Variants in PARD3B observed in about 807,000 individuals in gnomAD.
PARD3B encodes partitioning defective 3 homolog B.
PARD3B carries 103 observed loss-of-function variants against 130.2 expected under a neutral mutation model. The observed-to-expected ratio is 0.79, with a 90% CI of 0.67 to 0.93. The LOEUF (loss-of-function observed/expected upper bound fraction) is 0.93, where lower values mean the gene tolerates loss of function less well. PARD3B is among the 40% of genes least tolerant of loss of function. PARD3B has a pLI of 0.00. For synonymous variants in PARD3B, 583 were observed against 553.2 expected, an observed-to-expected ratio of 1.05 and a Z score of -0.76; for missense variants, 1,609 against 1,499.2, an observed-to-expected ratio of 1.07 and a Z score of -1.21.
chr2:205,104,443 G>T lies in PARD3B; in HGVS notation c.522G>T (p.Leu174Phe), dbSNP rs1703051932. Reference protein sequence around the residue: ...KLVVPDSTQNLEDREVLNGVQ... With the variant: ...KLVVPDSTQNFEDREVLNGVQ... The stretch of plus-strand genomic sequence containing the variant: ...CACTATAGGATTCCACGCAGAACTT[G>T]GAAGACAGAGAAGTTTTGAATGGTG... Residue 174 changes from leucine (L) to phenylalanine (F), a missense_variant, in exon 5 of 23, where the codon TTG becomes TTT. Transcript: ENST00000406610. The T allele has an allele frequency of 6.2e-7, 1 of 1,600,568 alleles. No individual in the cohort carries two copies.
intron 1 of PARD3B, among the ~76,000 whole-genome samples, chr2:204,626,843 G>A (rs1259042395): frequency 4.0e-5 from 6 of 151,738 alleles, no homozygotes; most frequent in Non-Finnish European, 8.8e-5. Flanking sequence ...AAAGTTAAAA[G>A]AATTTCACAG....
In PARD3B at chr2:205,550,818, ATATGTATATTT is replaced by A. The variant is rs548408314; in HGVS notation, c.3181-2494_3181-2484del. 1.8e-3 allele frequency among the ~76,000 whole-genome samples: 273 copies of A among 149,446 alleles called. 4 individuals carry two copies. The highest frequency in any genetic ancestry group is 9.2e-3 in the South Asian group (44 of 4,778). ...CAAATATATGCATATTTATATGTAT[ATATGTATATTT>A]TATGTATATTTGAATATTTTATATG... On this transcript the variant is annotated intron_variant, in intron 21 of 22. Transcript: ENST00000406610. The surrounding 1 kb of genome is among the most constrained non-coding windows in gnomAD (Gnocchi z 4.5).
At chr2:204,985,280 A>G (rs1693038840) in intron 3 of PARD3B, among the ~76,000 whole-genome samples, 2 of 152,190 alleles carry the variant, frequency 1.3e-5, no homozygotes, top group Non-Finnish European at 2.9e-5. Context: ...CCAAACAACA[A>G]AACTGATTAA....
At chr2:205,278,614 G>C (rs550706808) in intron 16 of PARD3B, among the ~76,000 whole-genome samples, 1 of 152,270 alleles carries the variant, frequency 6.6e-6, no homozygotes, top group Admixed American at 6.5e-5. Flanking sequence ...CAATTGCTGA[G>C]CACTCGAGAG....
intron 20 of PARD3B, among the ~76,000 whole-genome samples, chr2:205,481,859 T>C (rs1034060246): frequency 1.4e-4 from 21 of 152,136 alleles, no homozygotes; most frequent in Non-Finnish European, 2.5e-4. Flanking sequence ...AGAGAAACAA[T>C]TACGAGTCCA....
intron 20 of PARD3B, among the ~76,000 whole-genome samples, chr2:205,481,245 C>T (rs2049224131): frequency 6.6e-6 from 1 of 152,084 alleles, no homozygotes; most frequent in African/African-American, 2.4e-5. Flanking sequence ...TGGTCAAAGG[C>T]ATAGAGCAGG....
chr2:204,930,811 G>A (rs564009715), intron 2 of PARD3B, among the ~76,000 whole-genome samples: 3 of 152,198 alleles, frequency 2.0e-5, no homozygotes, highest in South Asian at 4.1e-4. Context: ...TTCACTGGCT[G>A]CCTGCAGTTG....
chr2:204,861,175 T>TCC (rs1360436554), intron 2 of PARD3B, among the ~76,000 whole-genome samples: 3 of 95,220 alleles, frequency 3.2e-5, no homozygotes, highest in Non-Finnish European at 5.8e-5. Context: ...TCTCTCTCTC[T>TCC]CTCTCTCTCT....
intron 1 of PARD3B, among the ~76,000 whole-genome samples, chr2:204,556,511 C>T (rs2030931431): frequency 6.6e-6 from 1 of 151,994 alleles, no homozygotes; most frequent in Non-Finnish European, 1.5e-5. Context: ...GACACTAAAG[C>T]CGTTTTGAAA....
chr2:205,471,357 T>C (rs1354620941), intron 20 of PARD3B, among the ~76,000 whole-genome samples: 2 of 145,498 alleles, frequency 1.4e-5, no homozygotes, highest in Non-Finnish European at 3.0e-5. Flanking sequence ...ACTTTTCTTT[T>C]TTTTTTTTTT....
chr2:205,086,639 G>A (rs929821752), intron 4 of PARD3B, among the ~76,000 whole-genome samples: 1 of 152,122 alleles, frequency 6.6e-6, no homozygotes, highest in Non-Finnish European at 1.5e-5. Context: ...CATGACAGTG[G>A]TGGAGGAAAT....
At chr2:205,020,304 T>G (rs994590478) in intron 3 of PARD3B, among the ~76,000 whole-genome samples, 5 of 152,196 alleles carry the variant, frequency 3.3e-5, no homozygotes, top group African/African-American at 1.2e-4. Context: ...TGGTACTTAG[T>G]GATACAATTA....
At chr2:204,764,866 C>A (rs1300701754) in intron 2 of PARD3B, among the ~76,000 whole-genome samples, 1 of 152,062 alleles carries the variant, frequency 6.6e-6, no homozygotes, top group Non-Finnish European at 1.5e-5. Context: ...CCTCCTCCCT[C>A]CTGCGCTGGC....
intron 18 of PARD3B, among the ~76,000 whole-genome samples, chr2:205,333,865 A>C (rs1455634545): frequency 1.3e-5 from 2 of 152,036 alleles, no homozygotes; most frequent in Non-Finnish European, 2.9e-5. Context: ...GGAGTTCATC[A>C]AAGGTATATT....
intron 2 of PARD3B, among the ~76,000 whole-genome samples, chr2:204,886,624 A>T (rs149400709): frequency 1.5e-3 from 236 of 152,338 alleles, no homozygotes; most frequent in African/African-American, 5.2e-3. Context: ...TGCTATAGGG[A>T]TGCAGAATAT....
chr2:205,214,069 TC>T (rs2037786197), intron 15 of PARD3B, among the ~76,000 whole-genome samples: 1 of 152,136 alleles, frequency 6.6e-6, no homozygotes, highest in Non-Finnish European at 1.5e-5. Flanking sequence ...TTCCTCTGTA[TC>T]TTCCTTTTAG....
chr2:205,495,105 A>G (rs2049877494), intron 20 of PARD3B, among the ~76,000 whole-genome samples: 1 of 152,150 alleles, frequency 6.6e-6, no homozygotes, highest in South Asian at 2.1e-4. Context: ...TGTGATGTTT[A>G]TGACATGTGG....
At chr2:205,205,110 C>G (rs190756482) in intron 15 of PARD3B, among the ~76,000 whole-genome samples, 5 of 152,090 alleles carry the variant, frequency 3.3e-5, no homozygotes, top group Admixed American at 6.5e-5. Flanking sequence ...TTGTTTGTTT[C>G]CCCTCTTATT....
intron 3 of PARD3B, among the ~76,000 whole-genome samples, chr2:204,977,685 G>A (rs1276792358): frequency 2.0e-5 from 3 of 151,968 alleles, no homozygotes; most frequent in East Asian, 3.9e-4. Flanking sequence ...GGTGGCGGGC[G>A]CCTGTAGTCC....
Sources: gnomAD v4.1 joint callset for allele counts (sites outside exome capture counted in the v4.1 genomes callset) on GRCh38, gnomAD v4.1.1 for gene constraint, Gnocchi (gnomAD v3.1) non-coding constraint, MANE v1.5 for transcripts, NCBI Gene and HGNC (gene_info 2026-07-23, HGNC 2026-07-21) for gene names.